KIAA1958: variants seen among roughly 807,000 people sequenced by gnomAD.
KIAA1958 encodes the protein KIAA1958, also known as uncharacterized protein KIAA1958.
In KIAA1958, 14 loss-of-function variants were observed where a neutral mutation model predicts 47.2. That is an observed-to-expected ratio of 0.30 (90% CI 0.20 to 0.46). The LOEUF (loss-of-function observed/expected upper bound fraction) is 0.46, where lower values mean the gene tolerates loss of function less well. KIAA1958 is among the 20% of genes least tolerant of loss of function. The probability of loss-of-function intolerance (pLI) is 1.00; values close to 1 mark genes in which losing one functional copy is unlikely to be tolerated. For synonymous variants in KIAA1958, 354 were observed against 353.3 expected, an observed-to-expected ratio of 1.00 and a Z score of -0.02; for missense variants, 803 against 909.2, an observed-to-expected ratio of 0.88 and a Z score of 1.50.
chr9:112,554,970 G>A (rs1254942532), intron 1 of KIAA1958, among the ~76,000 whole-genome samples: 1 of 152,298 alleles, frequency 6.6e-6, no homozygotes, highest in East Asian at 1.9e-4. Context: ...AACAAGAAAG[G>A]AGGACTTCAG....
intron 2 of KIAA1958, among the ~76,000 whole-genome samples, chr9:112,604,108 A>G (rs1012412493): frequency 3.9e-5 from 6 of 152,222 alleles, no homozygotes; most frequent in Admixed American, 2.0e-4. Context: ...ATAGAAGCAA[A>G]TGGATCTGAA....
chr9:112,637,403 A>G (rs1311151129), intron 2 of KIAA1958, among the ~76,000 whole-genome samples: 2 of 151,710 alleles, frequency 1.3e-5, no homozygotes, highest in Non-Finnish European at 2.9e-5. Flanking sequence ...ATTTTTTTAG[A>G]TGGAGTTTCG....
chr9:112,547,597 CAG>C (rs35023682), intron 1 of KIAA1958, among the ~76,000 whole-genome samples: 145,178 of 152,076 alleles, frequency 0.95, 69,367 homozygotes, highest in African/African-American at 0.99. Context: ...ACTGACAAAA[CAG>C]ACTCTTTGTA....
chr9:112,585,189 A>C (rs1433649433), intron 2 of KIAA1958, among the ~76,000 whole-genome samples: 1 of 152,194 alleles, frequency 6.6e-6, no homozygotes. Flanking sequence ...ACTGTGCTAG[A>C]CTGGTGGAGA....
intron 2 of KIAA1958, among the ~76,000 whole-genome samples, chr9:112,601,534 C>T (rs531346644): frequency 1.3e-5 from 2 of 152,204 alleles, no homozygotes; most frequent in East Asian, 3.9e-4. Context: ...CCTCCTTTGA[C>T]CATAAGTTGA....
intron 1 of KIAA1958, among the ~76,000 whole-genome samples, chr9:112,537,579 ACC>A: frequency 6.6e-6 from 1 of 152,214 alleles, no homozygotes; most frequent in African/African-American, 2.4e-5. Context: ...GAAAATTAAA[ACC>A]TCAGTAGGAT....
In KIAA1958 at chr9:112,665,368, C is replaced by T. The variant is rs1233144083; in HGVS notation, c.*5299C>T. 1 of 152,180 alleles carries T rather than the reference C, an allele frequency of 6.6e-6. No homozygotes were observed. Among genetic ancestry groups the T allele is most frequent in the Non-Finnish European group, 1.5e-5 (1 of 68,034 alleles). 9.4% of individuals were successfully genotyped at this position (152,180 alleles called of 1,614,324 possible). A position where few individuals can be genotyped will look rare whatever the true frequency, so the allele number is the denominator to read the frequency against. ...TATATTCTCATGTAATCTTTACAAC[C>T]GCTCTACAAGGTATGTCTAATTATT... On this transcript the variant is annotated 3_prime_UTR_variant, in exon 4 of 4. Coordinates refer to ENST00000337530, the MANE Select transcript of KIAA1958 (RefSeq NM_133465.4).
intron 2 of KIAA1958, among the ~76,000 whole-genome samples, chr9:112,589,531 G>A (rs1835883743): frequency 6.6e-6 from 1 of 152,224 alleles, no homozygotes; most frequent in Non-Finnish European, 1.5e-5. Flanking sequence ...GGTGGAGGTT[G>A]CGGTGAGCCG....
chr9:112,595,798 T>C (rs1836015291), intron 2 of KIAA1958, among the ~76,000 whole-genome samples: 1 of 152,156 alleles, frequency 6.6e-6, no homozygotes, highest in South Asian at 2.1e-4. Flanking sequence ...GCATTTTTTT[T>C]TTTTGAGACG....
At chr9:112,542,945 C>T (rs1165719090) in intron 1 of KIAA1958, among the ~76,000 whole-genome samples, 2 of 152,146 alleles carry the variant, frequency 1.3e-5, no homozygotes, top group East Asian at 3.8e-4. Context: ...AGTGTAGTTA[C>T]CATGTGCAAA....
Position 112,659,626 on chromosome 9 carries a change from C to T in KIAA1958, c.1708C>T (p.Arg570Trp), listed in dbSNP as rs201094776. ...GTACAACAGCCAGTACCTGAACATG[C>T]GGACGCTGCAGGAGCATGCGGATCT... ...VKYNSQYLNM[R>W]TLQEHADLMY... Residue 570 changes from arginine (R) to tryptophan (W), a missense_variant, in exon 4 of 4, where the codon CGG (arginine) becomes TGG (tryptophan). This residue lies in a region of KIAA1958 where 761 missense variants were observed against 829.3 expected (regional missense o/e 0.92). Transcript: ENST00000337530. 8 of 1,613,938 alleles carry T rather than the reference C, an allele frequency of 5.0e-6. No individual in the cohort carries two copies. The highest frequency in any genetic ancestry group is 4.5e-5 in the East Asian group (2 of 44,864).
At chr9:112,497,724 G>T (rs1402608273) in intron 1 of KIAA1958, among the ~76,000 whole-genome samples, 1 of 151,708 alleles carries the variant, frequency 6.6e-6, no homozygotes, top group Non-Finnish European at 1.5e-5. Flanking sequence ...AAACTTTAAT[G>T]TTGAAAATGC....
At chr9:112,649,794 G>A (rs1837030236) in intron 3 of KIAA1958, among the ~76,000 whole-genome samples, 1 of 152,048 alleles carries the variant, frequency 6.6e-6, no homozygotes, top group African/African-American at 2.4e-5. Context: ...GACTTTTCAG[G>A]CATTCAAAAA....
At chr9:112,489,206 G>T (rs571086684) in intron 1 of KIAA1958, among the ~76,000 whole-genome samples, 1 of 152,174 alleles carries the variant, frequency 6.6e-6, no homozygotes, top group Non-Finnish European at 1.5e-5. Flanking sequence ...CAGAATTTCA[G>T]CACTTAGATA....
intron 1 of KIAA1958, among the ~76,000 whole-genome samples, chr9:112,527,025 C>A (rs1285899373): frequency 1.3e-5 from 2 of 152,214 alleles, no homozygotes; most frequent in African/African-American, 2.4e-5. Flanking sequence ...TCTTAACTTT[C>A]GAGTAGATAA....
At chr9:112,552,960 G>A (rs927383117) in intron 1 of KIAA1958, among the ~76,000 whole-genome samples, 1 of 152,024 alleles carries the variant, frequency 6.6e-6, no homozygotes, top group Non-Finnish European at 1.5e-5. Flanking sequence ...CCTGGTGCGC[G>A]CACAGGGTTC....
In KIAA1958 at chr9:112,504,188, CT is replaced by C. The variant is rs374393037; in HGVS notation, c.-25+17085del. On this transcript the variant is annotated intron_variant, in intron 1 of 3. Coordinates refer to ENST00000337530, the MANE Select transcript of KIAA1958 (RefSeq NM_133465.4). Reference sequence around the variant, plus strand: ...AACCAGAAGGAACTGTAGAGATTATCTTTTTTTTTTTTTTTGGAGACAGAGT... The same window carrying C: ...AACCAGAAGGAACTGTAGAGATTATCTTTTTTTTTTTTTTGGAGACAGAGT... Among the ~76,000 whole-genome samples, 1,070 of 139,590 alleles carry C rather than the reference CT, an allele frequency of 7.7e-3. 3 individuals carry two copies. The highest frequency in any genetic ancestry group is 0.019 in the African/African-American group (725 of 38,390). The allele number at this position is 139,590 out of a possible 152,430, so 91.6% of individuals were successfully genotyped here. A position where few individuals can be genotyped will look rare whatever the true frequency, so the allele number is the denominator to read the frequency against.
intron 1 of KIAA1958, among the ~76,000 whole-genome samples, chr9:112,567,467 G>T (rs1238842288): frequency 6.6e-6 from 1 of 152,064 alleles, no homozygotes; most frequent in Non-Finnish European, 1.5e-5. Flanking sequence ...TTTCCACTTG[G>T]AAAGAAAGGG....
chr9:112,496,000 C>T (rs1208486967), intron 1 of KIAA1958, among the ~76,000 whole-genome samples: 1 of 152,132 alleles, frequency 6.6e-6, no homozygotes, highest in Non-Finnish European at 1.5e-5. Flanking sequence ...TGAGTGAGGC[C>T]ATCTTTGACC....
Sources: allele counts gnomAD v4.1 joint callset (sites outside exome capture counted in the v4.1 genomes callset), GRCh38; gene constraint gnomAD v4.1.1; regional missense constraint gnomAD v4.1.1; transcripts MANE v1.5; gene names NCBI Gene and HGNC (gene_info 2026-07-23, HGNC 2026-07-21).